The following ANKRD36C variants were observed in gnomAD, a reference collection of about 807,000 sequenced individuals.
ANKRD36C encodes ankyrin repeat domain-containing protein 36C.
ANKRD36C carries 61 observed loss-of-function variants against 276.4 expected under a neutral mutation model. The ratio of observed to expected loss-of-function variants is 0.22; its 90% CI spans 0.18 to 0.27. The LOEUF (loss-of-function observed/expected upper bound fraction) is 0.27, where lower values mean the gene tolerates loss of function less well. ANKRD36C is among the 10% of genes least tolerant of loss of function. ANKRD36C has a pLI of 1.00. For missense variants in ANKRD36C, 1,447 were observed against 2,032.3 expected (o/e 0.71, Z 5.54); for synonymous variants, 483 against 680.1 (o/e 0.71, Z 4.51).
At chr2:95,906,333 T>C (rs1360876150) in intron 42 of ANKRD36C, among the ~76,000 whole-genome samples, 2 of 98,564 alleles carry the variant, frequency 2.0e-5, no homozygotes, top group East Asian at 7.8e-4. Context: ...ACACCCTTAA[T>C]GAAAAGATGC....
intron 24 of ANKRD36C, 48 bp downstream of exon 24, chr2:95,935,406 T>C (rs1677687135): frequency 6.9e-7 from 1 of 1,457,384 alleles, no homozygotes; most frequent in African/African-American, 1.4e-5. Flanking sequence ...ACATTTCCAG[T>C]ATATTCATGT....
intron 3 of ANKRD36C, among the ~76,000 whole-genome samples, chr2:95,982,719 C>T (rs969987803): frequency 3.1e-5 from 3 of 96,762 alleles, no homozygotes; most frequent in African/African-American, 1.2e-4. Flanking sequence ...TTCTCTATGT[C>T]CTCAAACTCT....
In ANKRD36C at chr2:95,893,528, A is replaced by G; in HGVS notation, c.2756-1668T>C. The G allele has an allele frequency of 6.5e-7, 1 of 1,542,764 alleles. No homozygotes were observed. The highest frequency in any genetic ancestry group is 8.7e-7 in the Non-Finnish European group (1 of 1,144,036). On this transcript the variant is annotated intron_variant, in intron 44 of 66. Transcript: ENST00000456556. The stretch of plus-strand genomic sequence containing the variant: ...ACATGACATTAAATCTGTTTTCAAA[A>G]TTACCTGTTCTAGATTTTTCTCCAT...
intron 24 of ANKRD36C, among the ~76,000 whole-genome samples, chr2:95,930,074 T>G (rs1431250656): frequency 6.6e-6 from 1 of 151,636 alleles, no homozygotes; most frequent in East Asian, 1.9e-4. Context: ...AAATAACCAT[T>G]TGGGATTCAA....
intron 6 of ANKRD36C, among the ~76,000 whole-genome samples, chr2:95,966,979 G>C (rs933155485): frequency 5.9e-5 from 9 of 152,270 alleles, no homozygotes; most frequent in African/African-American, 2.2e-4. Flanking sequence ...GTATAGGAAT[G>C]CTTGTGAATT....
intron 1 of ANKRD36C, among the ~76,000 whole-genome samples, chr2:95,990,518 C>G (rs1223779998): frequency 6.6e-6 from 1 of 152,132 alleles, no homozygotes; most frequent in African/African-American, 2.4e-5. Context: ...AAAGGCAAGT[C>G]TTTTTTGACT....
chr2:95,852,222 A>G (rs1237925640), intron 64 of ANKRD36C, 26 bp from the exon 85 acceptor site: 1 of 1,552,700 alleles, frequency 6.4e-7, no homozygotes. Context: ...TTAAAAAATT[A>G]CATTTGGAAA....
In ANKRD36C at chr2:95,889,951, T is replaced by C. The variant is rs759463349; in HGVS notation, c.2886+15A>G. The C allele has an allele frequency of 1.2e-6, 2 of 1,609,972 alleles. No homozygotes were observed. Among genetic ancestry groups the C allele is most frequent in the East Asian group, 2.2e-5 (1 of 44,680 alleles). On this transcript the variant is annotated intron_variant, in intron 47 of 66. Transcript: ENST00000456556. ...TACAGTTAATAGTTCAAAATATAAA[T>C]GAGAGTTTAATTACCTTCAAGGCTG...
chr2:95,929,301 T>C (rs1483589451), intron 24 of ANKRD36C, 34 bp from the exon 25 acceptor site: 9 of 1,587,618 alleles, frequency 5.7e-6, no homozygotes, highest in Admixed American at 1.7e-5. Context: ...ATCAATCATA[T>C]GTAAATATGA....
chr2:95,978,270 T>C (rs1447588534), intron 5 of ANKRD36C, 81 bp from the exon 6 acceptor site: 1 of 451,230 alleles, frequency 2.2e-6, no homozygotes, highest in Non-Finnish European at 4.0e-6. Context: ...TATTAGAGTA[T>C]CTTGAACAAT....
At chr2:95,988,045 A>G (rs1679067331) in intron 1 of ANKRD36C, among the ~76,000 whole-genome samples, 1 of 152,036 alleles carries the variant, frequency 6.6e-6, no homozygotes, top group East Asian at 1.9e-4. Context: ...GTAACGTGGC[A>G]TCACCCAATC....
intron 22 of ANKRD36C, among the ~76,000 whole-genome samples, chr2:95,938,551 C>T (rs1677781222): frequency 6.6e-6 from 1 of 152,046 alleles, no homozygotes; most frequent in African/African-American, 2.4e-5. Flanking sequence ...TCAAAATACA[C>T]CTACTCAAAT....
At chr2:95,970,802 C>G (rs1230870344) in intron 6 of ANKRD36C, among the ~76,000 whole-genome samples, 1 of 152,134 alleles carries the variant, frequency 6.6e-6, no homozygotes, top group Non-Finnish European at 1.5e-5. Context: ...GACTTTCTGA[C>G]TCCAGTTTTA....
chr2:95,856,703 A>G (rs1419746200), intron 62 of ANKRD36C, among the ~76,000 whole-genome samples: 5 of 152,176 alleles, frequency 3.3e-5, no homozygotes, highest in Admixed American at 6.5e-5. Context: ...TTGATAAATG[A>G]TAAGTCTAGG....
chr2:95,990,985 T>C (rs1262640494), intron 1 of ANKRD36C, among the ~76,000 whole-genome samples: 12 of 152,092 alleles, frequency 7.9e-5, no homozygotes, highest in Admixed American at 7.9e-4. Context: ...GGAAACCAGC[T>C]GAAGTTTTGT....
chr2:95,925,287 T>C, intron 30 of ANKRD36C, 65 bp downstream of exon 30: 2 of 1,544,632 alleles, frequency 1.3e-6, no homozygotes, highest in Non-Finnish European at 1.7e-6. Context: ...ACTGATCTAT[T>C]CAGGGGTGGG....
rs551563697 is a variant in ANKRD36C, at chr2:95,973,137, G to A, written c.799+4985C>T. 2.6e-5 allele frequency among the ~76,000 whole-genome samples: 4 copies of A among 151,780 alleles called. No homozygotes were observed. In the South Asian group the frequency reaches 8.3e-4, roughly 32 times the overall value. On this transcript the variant is annotated intron_variant, in intron 6 of 66. Coordinates refer to ENST00000456556, the Ensembl canonical transcript of ANKRD36C. ...GTCTCTAAAATGTATTAGTAGGCTG[G>A]GGGCGGTGGCTCACACCTGTAATCC...
At position 95,931,849 on chromosome 2, in the gene ANKRD36C, T is replaced by TAAACACACACAC. The variant is rs906940562; in HGVS notation, c.1736-2583_1736-2582insGTGTGTGTGTTT. ...CAGAAGAGAAAAAAATACACACACA[T>TAAACACACACAC]ACACACACACACACACACATTCACA... On this transcript the variant is annotated intron_variant, in intron 24 of 66. Transcript: ENST00000456556. 9.7e-4 allele frequency among the ~76,000 whole-genome samples: 108 copies of TAAACACACACAC among 111,482 alleles called. 7 individuals are homozygous for TAAACACACACAC. Among genetic ancestry groups the TAAACACACACAC allele is most frequent in the East Asian group, 2.8e-3 (9 of 3,256 alleles). The allele number at this position is 111,482 out of a possible 152,430, so 73.1% of individuals were successfully genotyped here.
At chr2:95,856,430 A>C (rs1675413814) in intron 62 of ANKRD36C, among the ~76,000 whole-genome samples, 2 of 152,136 alleles carry the variant, frequency 1.3e-5, no homozygotes, top group Non-Finnish European at 2.9e-5. Context: ...AATTTTTTTA[A>C]ATTTCAGGAT....
Sources: gnomAD v4.1 joint callset for allele counts (sites outside exome capture counted in the v4.1 genomes callset) on GRCh38, gnomAD v4.1.1 for gene constraint, MANE v1.5 for transcripts, NCBI Gene and HGNC (gene_info 2026-07-23, HGNC 2026-07-21) for gene names.